The following NUDT9 variants were observed in gnomAD, a reference collection of about 807,000 sequenced individuals.
NUDT9 encodes the protein ADP-ribose pyrophosphatase.
Under a neutral mutation model 41.0 loss-of-function variants are expected in NUDT9, and 31 were observed. The ratio of observed to expected loss-of-function variants is 0.76; its 90% confidence interval spans 0.57 to 1.02. NUDT9 has a LOEUF of 1.02. Ranked by LOEUF, NUDT9 falls within the 50% of genes least tolerant of loss-of-function variation. NUDT9 has a pLI of 0.00. For missense variants in NUDT9, 380 were observed against 431.4 expected (o/e 0.88, Z 1.06); for synonymous variants, 146 against 147.6 (o/e 0.99, Z 0.08).
intron 1 of NUDT9, among the ~76,000 whole-genome samples, chr4:87,433,072 G>A (rs1721759198): frequency 6.6e-6 from 1 of 152,104 alleles, no homozygotes; most frequent in Admixed American, 6.6e-5. Context: ...GGGAATATTG[G>A]TGTTGATTCT....
intron 7 of NUDT9, among the ~76,000 whole-genome samples, chr4:87,456,120 TG>T (rs1398299735): frequency 6.6e-6 from 1 of 152,210 alleles, no homozygotes; most frequent in Non-Finnish European, 1.5e-5. Flanking sequence ...CCTCTAGTTT[TG>T]GGTTTCCCTG....
Position 87,424,253 on chromosome 4 carries a change from C to CT in NUDT9, c.107+1241_107+1242insT, listed in dbSNP as rs1560784799. Among the ~76,000 whole-genome samples, 254 of 103,904 alleles carry CT rather than the reference C, an allele frequency of 2.4e-3. 4 individuals are homozygous for CT. The highest frequency in any genetic ancestry group is 9.1e-3 in the African/African-American group (243 of 26,590). The allele number at this position is 103,904 out of a possible 152,430, so 68.2% of individuals were successfully genotyped here. ...GTAGGAATAGCATTTCTCCCTAATG[C>CT]GTTTTTTTTTTTTTTTTTTTTTTTG... On this transcript the variant is annotated intron_variant, in intron 1 of 7. Coordinates refer to ENST00000302174, the MANE Select transcript of NUDT9 (RefSeq NM_024047.5).
chr4:87,422,808 C>A lies in NUDT9; in HGVS notation c.-98C>A. 1.2e-6 allele frequency: 1 copy of A among 854,878 alleles called. No homozygotes were observed. Among genetic ancestry groups the A allele is most frequent in the Non-Finnish European group, 1.9e-6 (1 of 537,424 alleles). The allele number at this position is 854,878 out of a possible 1,614,324, so 53.0% of individuals were successfully genotyped here. A position where few individuals can be genotyped will look rare whatever the true frequency, so the allele number is the denominator to read the frequency against. On this transcript the variant is annotated 5_prime_UTR_variant, in exon 1 of 8. Transcript: ENST00000302174. ...ACGGCAGACAGGTCCTAGTGCCCATCAGATACCCGCGGCCGGGACTCGGAG... is the reference window on the plus strand; with the variant it reads ...ACGGCAGACAGGTCCTAGTGCCCATAAGATACCCGCGGCCGGGACTCGGAG...
chr4:87,431,904 T>C (rs1721704875), intron 1 of NUDT9, among the ~76,000 whole-genome samples: 1 of 152,224 alleles, frequency 6.6e-6, no homozygotes, highest in Non-Finnish European at 1.5e-5. Context: ...CGGGCTGGTC[T>C]TGAACTGCTG....
intron 3 of NUDT9, among the ~76,000 whole-genome samples, chr4:87,439,570 C>A (rs915799406): frequency 6.6e-6 from 1 of 151,552 alleles, no homozygotes; most frequent in Non-Finnish European, 1.5e-5. Flanking sequence ...GCAGGAGAAT[C>A]GCTTGAACCC....
At chr4:87,426,935 C>CAAA (rs70957243) in intron 1 of NUDT9, among the ~76,000 whole-genome samples, 5 of 54,356 alleles carry the variant, frequency 9.2e-5, no homozygotes, top group Non-Finnish European at 1.9e-4. Context: ...ACTCCCTTGC[C>CAAA]AAAAAAAAAA....
chr4:87,441,354 A>G (rs1006216552), intron 3 of NUDT9, among the ~76,000 whole-genome samples: 4 of 152,148 alleles, frequency 2.6e-5, no homozygotes, highest in Non-Finnish European at 5.9e-5. Flanking sequence ...CTAATACCTT[A>G]TCATATGCTA....
intron 1 of NUDT9, among the ~76,000 whole-genome samples, chr4:87,429,311 C>G (rs1377000738): frequency 6.6e-6 from 1 of 151,978 alleles, no homozygotes. Context: ...ACCACCATGC[C>G]TGACTAACTT....
Position 87,439,679 on chromosome 4 carries a change from C to T in NUDT9, c.443+1307C>T, listed in dbSNP as rs6827567. Among the ~76,000 whole-genome samples the T allele has an allele frequency of 5.5e-3, 834 of 152,012 alleles. 4 individuals carry two copies. Among genetic ancestry groups the T allele is most frequent in the African/African-American group, 0.019 (782 of 41,466 alleles). ...TCAAAAAAACAAACAACAAAAAAACCATCAGCTCTCATGAGAACTCACTCA... is the reference window on the plus strand; with the variant it reads ...TCAAAAAAACAAACAACAAAAAAACTATCAGCTCTCATGAGAACTCACTCA... On this transcript the variant is annotated intron_variant, in intron 3 of 7. Coordinates refer to ENST00000302174, the MANE Select transcript of NUDT9 (RefSeq NM_024047.5).
At chr4:87,443,562 A>G (rs960919212) in intron 4 of NUDT9, among the ~76,000 whole-genome samples, 1 of 152,246 alleles carries the variant, frequency 6.6e-6, no homozygotes, top group African/African-American at 2.4e-5. Flanking sequence ...TGAAGTAAGA[A>G]AACATGTTAA....
intron 4 of NUDT9, among the ~76,000 whole-genome samples, chr4:87,446,642 G>T (rs1391377816): frequency 1.3e-5 from 2 of 152,134 alleles, no homozygotes; most frequent in African/African-American, 2.4e-5. Context: ...GTTCAAAGTT[G>T]TGTTTACGCC....
chr4:87,439,381 C>T (rs1722097579), intron 3 of NUDT9, among the ~76,000 whole-genome samples: 1 of 151,996 alleles, frequency 6.6e-6, no homozygotes, highest in Non-Finnish European at 1.5e-5. Context: ...ATTGGCCAGG[C>T]ACAGTGGCTC....
chr4:87,429,261 C>T (rs558421867), intron 1 of NUDT9, among the ~76,000 whole-genome samples: 30 of 152,074 alleles, frequency 2.0e-4, no homozygotes, highest in Middle Eastern at 3.2e-3. Context: ...AGGAGATCCT[C>T]CCACCTCAGC....
At chr4:87,428,550 T>C (rs916205211) in intron 1 of NUDT9, among the ~76,000 whole-genome samples, 9 of 151,946 alleles carry the variant, frequency 5.9e-5, no homozygotes, top group Non-Finnish European at 1.2e-4. Flanking sequence ...TATTATTTAG[T>C]GCTAAGAAGA....
At position 87,435,181 on chromosome 4, in the gene NUDT9, CTG is replaced by C; in HGVS notation, c.310_311del (p.Val104LeufsTer13). 6.2e-7 allele frequency: 1 copy of C among 1,614,062 alleles called. No homozygotes were observed. Among genetic ancestry groups the C allele is most frequent in the South Asian group, 1.1e-5 (1 of 91,042 alleles). Reference sequence around the variant, plus strand: ...AAGCCTGTGGAATACACTGCAGTCTCTGTCTTGGCTGGACCCAGGTGGGCAGA... The same window carrying C: ...AAGCCTGTGGAATACACTGCAGTCTCTCTTGGCTGGACCCAGGTGGGCAGA... On this transcript the variant is annotated frameshift_variant, in exon 2 of 8. Transcript: ENST00000302174. LOFTEE classifies it high-confidence loss of function.
At chr4:87,442,628 T>C (rs1722251779) in intron 4 of NUDT9, among the ~76,000 whole-genome samples, 2 of 152,346 alleles carry the variant, frequency 1.3e-5, no homozygotes, top group South Asian at 4.1e-4. Flanking sequence ...ATCATGCAAC[T>C]GTACAAAAAT....
chr4:87,427,082 T>C (rs983792446), intron 1 of NUDT9, among the ~76,000 whole-genome samples: 7 of 141,792 alleles, frequency 4.9e-5, no homozygotes, highest in African/African-American at 1.9e-4. Flanking sequence ...ATTGTACCAA[T>C]GCATGCCAGC....
chr4:87,431,064 C>G (rs955927050), intron 1 of NUDT9, among the ~76,000 whole-genome samples: 1 of 152,114 alleles, frequency 6.6e-6, no homozygotes, highest in African/African-American at 2.4e-5. Context: ...AGATTTTGAT[C>G]ATTTTAGGTC....
intron 4 of NUDT9, among the ~76,000 whole-genome samples, chr4:87,443,606 TTTAGAAGA>T (rs1376313587): frequency 6.6e-6 from 1 of 152,294 alleles, no homozygotes; most frequent in African/African-American, 2.4e-5. Flanking sequence ...TTCAGGATGC[TTTAGAAGA>T]TTAGAAGATT....
Sources: allele counts gnomAD v4.1 joint callset (sites outside exome capture counted in the v4.1 genomes callset), GRCh38; gene constraint gnomAD v4.1.1; transcripts MANE v1.5; gene names NCBI Gene and HGNC (gene_info 2026-07-23, HGNC 2026-07-21).